The following MAPK10 variants were observed in gnomAD, a reference collection of about 807,000 sequenced individuals.
The protein encoded by MAPK10 is mitogen-activated protein kinase 10.
MAPK10 carries 25 observed loss-of-function variants against 59.3 expected under a neutral mutation model. The observed-to-expected ratio is 0.42, with a 90% confidence interval of 0.31 to 0.59. The LOEUF is 0.59. Among genes scored for constraint, MAPK10 ranks in the 20% least tolerant of loss-of-function variants. MAPK10 has a pLI of 0.15. For synonymous variants in MAPK10, 190 were observed against 200.5 expected, an observed-to-expected ratio of 0.95 and a Z score of 0.44; for missense variants, 351 against 568.9, an observed-to-expected ratio of 0.62 and a Z score of 3.90.
intron 2 of MAPK10, among the ~76,000 whole-genome samples, chr4:86,328,243 GA>G (rs1379467050): frequency 6.6e-6 from 1 of 151,966 alleles, no homozygotes; most frequent in Non-Finnish European, 1.5e-5. Context: ...CAACAAACAT[GA>G]AAAAAAGCTC....
chr4:86,582,372 G>A (rs2045648360), intron 1 of MAPK10, among the ~76,000 whole-genome samples: 2 of 152,030 alleles, frequency 1.3e-5, no homozygotes, highest in Admixed American at 1.3e-4. Context: ...ATGCTATTTA[G>A]AAAGTGATTA....
At chr4:86,288,249 G>A (rs1336471064) in intron 2 of MAPK10, among the ~76,000 whole-genome samples, 1 of 151,346 alleles carries the variant, frequency 6.6e-6, no homozygotes, top group Non-Finnish European at 1.5e-5. Context: ...ATGTATACAT[G>A]TGCCATGCTG....
At chr4:86,189,203 C>T (rs1332021191) in intron 3 of MAPK10, among the ~76,000 whole-genome samples, 1 of 152,106 alleles carries the variant, frequency 6.6e-6, no homozygotes, top group Admixed American at 6.6e-5. Flanking sequence ...GTTCTTTTTG[C>T]TTAGGATTGT....
At chr4:86,182,156 G>A (rs754629323) in intron 3 of MAPK10, among the ~76,000 whole-genome samples, 1 of 151,774 alleles carries the variant, frequency 6.6e-6, no homozygotes, top group Non-Finnish European at 1.5e-5. Context: ...TTTCTCCCGA[G>A]ACTATAACAA....
intron 2 of MAPK10, among the ~76,000 whole-genome samples, chr4:86,254,963 C>A (rs555249741): frequency 1.3e-5 from 2 of 151,972 alleles, no homozygotes. Flanking sequence ...AAATGCAGTT[C>A]CTTTATGAAG....
chr4:86,312,414 C>T (rs1304908988), intron 2 of MAPK10, among the ~76,000 whole-genome samples: 1 of 151,992 alleles, frequency 6.6e-6, no homozygotes, highest in African/African-American at 2.4e-5. Context: ...CCAAGTGCTC[C>T]TTACTCACCG....
chr4:86,435,731 T>C (rs896847544), intron 1 of MAPK10, among the ~76,000 whole-genome samples: 2 of 152,178 alleles, frequency 1.3e-5, no homozygotes, highest in African/African-American at 4.8e-5. Context: ...GACTCAATGC[T>C]CACTGAATTA....
intron 2 of MAPK10, among the ~76,000 whole-genome samples, chr4:86,201,019 C>T (rs1297641755): frequency 6.6e-6 from 1 of 151,770 alleles, no homozygotes; most frequent in Admixed American, 6.6e-5. Context: ...CCCTTCCCAG[C>T]CTTTGGTAAT....
At chr4:86,311,864 T>A (rs1011304577) in intron 2 of MAPK10, among the ~76,000 whole-genome samples, 8 of 152,220 alleles carry the variant, frequency 5.3e-5, no homozygotes, top group Non-Finnish European at 8.8e-5. Flanking sequence ...GATCAATCCC[T>A]CGATCAGACT....
chr4:86,432,050 G>A (rs527437113), intron 1 of MAPK10, among the ~76,000 whole-genome samples: 29 of 152,274 alleles, frequency 1.9e-4, no homozygotes, highest in Admixed American at 1.4e-3. Flanking sequence ...GTGGGTTGAT[G>A]TCAATGGCAG....
At chr4:86,541,871 T>A (rs2149095424) in intron 1 of MAPK10, among the ~76,000 whole-genome samples, 1 of 151,970 alleles carries the variant, frequency 6.6e-6, no homozygotes. Flanking sequence ...CAGTTTCTGT[T>A]ATTTGCACTA....
rs542999116 is a variant in MAPK10, at chr4:86,548,621, A to G, written c.-263+45289T>C. Among the ~76,000 whole-genome samples the G allele has an allele frequency of 1.5e-4, 23 of 152,300 alleles. No individual in the cohort carries two copies. In the South Asian group the frequency reaches 4.6e-3, roughly 30 times the overall value. On this transcript the variant is annotated intron_variant, in intron 1 of 4. Coordinates refer to the MAPK10 transcript ENST00000502302. ...CCCCTTTGCCTTCCACCATGATTGA[A>G]AGTTAGTAAAGGCCATCATGCTTCC... is the stretch of plus-strand genomic sequence containing the variant.
intron 1 of MAPK10, among the ~76,000 whole-genome samples, chr4:86,575,985 TTGTGTGTGTATGCGTG>T (rs1761854148): frequency 7.2e-6 from 1 of 139,140 alleles, no homozygotes; most frequent in Non-Finnish European, 1.6e-5. Flanking sequence ...TAACATAATA[TTGTGTGTGTATGCGTG>T]TGTGTGTGTG....
intron 1 of MAPK10, among the ~76,000 whole-genome samples, chr4:86,570,638 T>A (rs1399224910): frequency 7.2e-5 from 11 of 152,128 alleles, no homozygotes; most frequent in African/African-American, 2.7e-4. Context: ...TACAAATAAT[T>A]ATAATTTGGT....
At chr4:86,503,394 C>G (rs969500929) in intron 1 of MAPK10, among the ~76,000 whole-genome samples, 1 of 152,054 alleles carries the variant, frequency 6.6e-6, no homozygotes, top group Non-Finnish European at 1.5e-5. Flanking sequence ...TATCCTCAGA[C>G]TTTTTCATCT....
At chr4:86,533,358 C>G (rs1757980620) in intron 1 of MAPK10, among the ~76,000 whole-genome samples, 1 of 152,088 alleles carries the variant, frequency 6.6e-6, no homozygotes, top group African/African-American at 2.4e-5. Flanking sequence ...TGTGAATGTA[C>G]TAAGTGCCAA....
chr4:86,123,222 AG>A (rs938170507), intron 4 of MAPK10, among the ~76,000 whole-genome samples: 19 of 152,070 alleles, frequency 1.2e-4, no homozygotes, highest in African/African-American at 4.3e-4. Context: ...CACACATAAC[AG>A]GGTTTTCTTC....
intron 1 of MAPK10, among the ~76,000 whole-genome samples, chr4:86,421,576 G>T (rs1746547883): frequency 6.6e-6 from 1 of 152,104 alleles, no homozygotes; most frequent in Admixed American, 6.6e-5. Context: ...GTAGGAATTT[G>T]CCAGCTCGAG....
intron 5 of MAPK10, among the ~76,000 whole-genome samples, chr4:86,106,132 A>G (rs2056492341): frequency 6.6e-6 from 1 of 152,156 alleles, no homozygotes; most frequent in South Asian, 2.1e-4. Flanking sequence ...TCATCAGGGT[A>G]GAGTAACAGA....
Sources: gnomAD v4.1 joint callset for allele counts (sites outside exome capture counted in the v4.1 genomes callset) on GRCh38, gnomAD v4.1.1 for gene constraint, MANE v1.5 for transcripts, NCBI Gene and HGNC (gene_info 2026-07-23, HGNC 2026-07-21) for gene names.